Variants in PRKCI observed in about 807,000 individuals in gnomAD.
PRKCI encodes the protein protein kinase C iota.
Under a neutral mutation model 84.0 loss-of-function variants are expected in PRKCI, and 43 were observed. The ratio of observed to expected loss-of-function variants is 0.51; its 90% confidence interval spans 0.40 to 0.66. The LOEUF is 0.66. Ranked by LOEUF, PRKCI falls within the 30% of genes least tolerant of loss-of-function variation. The pLI is 0.00. For missense variants in PRKCI, 459 were observed against 745.6 expected, an observed-to-expected ratio of 0.62 and a Z score of 4.48; for synonymous variants, 216 against 234.4, an observed-to-expected ratio of 0.92 and a Z score of 0.72.
chr3:170,260,296 A>G (rs9836076), intron 3 of PRKCI, among the ~76,000 whole-genome samples: 9,905 of 152,222 alleles, frequency 0.065, 1,088 homozygotes, highest in African/African-American at 0.23. Context: ...TTAAAATGTG[A>G]TATCTCAGTG....
At chr3:170,263,098 G>C (rs1446693883) in intron 3 of PRKCI, among the ~76,000 whole-genome samples, 1 of 151,202 alleles carries the variant, frequency 6.6e-6, no homozygotes, top group Non-Finnish European at 1.5e-5. Context: ...GAACCCGGGA[G>C]GCGGAGCTTG....
At chr3:170,243,319 T>C in intron 2 of PRKCI, among the ~76,000 whole-genome samples, 1 of 152,220 alleles carries the variant, frequency 6.6e-6, no homozygotes, top group East Asian at 1.9e-4. Flanking sequence ...ATATAGCATG[T>C]ACTTTTTGGT....
intron 2 of PRKCI, among the ~76,000 whole-genome samples, chr3:170,244,503 C>T (rs924748271): frequency 6.6e-5 from 10 of 152,272 alleles, no homozygotes; most frequent in Admixed American, 6.5e-4. Flanking sequence ...ATTACCTCTT[C>T]ATCTGGCTGT....
chr3:170,280,069 T>C, intron 8 of PRKCI, 158 bp from the exon 9 acceptor site: 1 of 620,426 alleles, frequency 1.6e-6, no homozygotes, highest in East Asian at 3.1e-5. Context: ...AGTTAGATTA[T>C]TTGGTTTGGA....
intron 16 of PRKCI, among the ~76,000 whole-genome samples, chr3:170,298,507 C>T (rs567923817): frequency 2.0e-4 from 30 of 150,940 alleles, no homozygotes; most frequent in African/African-American, 5.8e-4. Context: ...TGGGTTCAAG[C>T]GATTTCTCCT....
chr3:170,301,107 G>T (rs1734808072), intron 17 of PRKCI, among the ~76,000 whole-genome samples: 1 of 152,186 alleles, frequency 6.6e-6, no homozygotes, highest in Admixed American at 6.5e-5. Context: ...GACATTCAAA[G>T]ACAATCAAGA....
chr3:170,275,603 T>A (rs776317182), intron 8 of PRKCI, among the ~76,000 whole-genome samples: 3 of 152,212 alleles, frequency 2.0e-5, no homozygotes, highest in Non-Finnish European at 4.4e-5. Flanking sequence ...TTCCGTTTTG[T>A]GCCTGAATTG....
intron 16 of PRKCI, among the ~76,000 whole-genome samples, chr3:170,297,989 C>T (rs1254375374): frequency 6.6e-6 from 1 of 151,740 alleles, no homozygotes. Context: ...AATTCTGCCT[C>T]AGCTTCCTGA....
intron 4 of PRKCI, among the ~76,000 whole-genome samples, chr3:170,267,693 A>G (rs1434305944): frequency 6.6e-6 from 1 of 151,512 alleles, no homozygotes; most frequent in Non-Finnish European, 1.5e-5. Flanking sequence ...AAAAAAAAAA[A>G]AAGGACAAGC....
At chr3:170,246,542 G>A (rs1009355822) in intron 2 of PRKCI, among the ~76,000 whole-genome samples, 5 of 151,986 alleles carry the variant, frequency 3.3e-5, no homozygotes, top group Non-Finnish European at 5.9e-5. Context: ...TGATCCTCCC[G>A]CTTTGCTCTC....
At chr3:170,235,028 G>C (rs927017426) in intron 1 of PRKCI, among the ~76,000 whole-genome samples, 3 of 151,788 alleles carry the variant, frequency 2.0e-5, no homozygotes, top group African/African-American at 7.3e-5. Context: ...GATCTGCCCA[G>C]CTCAGCCTCC....
intron 5 of PRKCI, among the ~76,000 whole-genome samples, chr3:170,268,419 G>T (rs1014022012): frequency 1.3e-5 from 2 of 150,832 alleles, no homozygotes; most frequent in Non-Finnish European, 2.9e-5. Context: ...GGCAGAGGTT[G>T]CAGTGAGCCG....
At chr3:170,270,605 G>C (rs779535672) in intron 6 of PRKCI, 44 bp downstream of exon 6, 12 of 1,542,332 alleles carry the variant, frequency 7.8e-6, no homozygotes, top group Non-Finnish European at 1.0e-5. Flanking sequence ...TTAAGAGCGT[G>C]CTTGATAACA....
In PRKCI at chr3:170,259,962, T is replaced by G. The variant is rs191069073; in HGVS notation, c.224-7T>G. Reference sequence around the variant, plus strand: ...AGTGACCTTTACTTTACTTTTGTGTTTTTTAGGAGACCCGTGTACAGTATC... The same window carrying G: ...AGTGACCTTTACTTTACTTTTGTGTGTTTTAGGAGACCCGTGTACAGTATC... On this transcript the variant is annotated splice_region_variant and splice_polypyrimidine_tract_variant and intron_variant, in intron 2 of 17. Transcript: ENST00000295797. The G allele has an allele frequency of 6.6e-5, 105 of 1,587,424 alleles. No individual in the cohort carries two copies. Among genetic ancestry groups the G allele is most frequent in the Admixed American group, 2.5e-4 (14 of 55,762 alleles).
intron 12 of PRKCI, among the ~76,000 whole-genome samples, chr3:170,285,620 A>G (rs935316756): frequency 2.0e-5 from 3 of 152,230 alleles, no homozygotes; most frequent in Admixed American, 6.5e-5. Context: ...ACCTAGTTGT[A>G]TCGAAGATTT....
At chr3:170,252,304 G>C (rs976321348) in intron 2 of PRKCI, among the ~76,000 whole-genome samples, 1 of 142,098 alleles carries the variant, frequency 7.0e-6, no homozygotes, top group Non-Finnish European at 1.5e-5. Context: ...GGAAATACTT[G>C]GCCAAATTTT....
intron 1 of PRKCI, among the ~76,000 whole-genome samples, chr3:170,223,512 C>T (rs1732550773): frequency 6.6e-6 from 1 of 152,204 alleles, no homozygotes; most frequent in South Asian, 2.1e-4. Flanking sequence ...TCTTCACTCC[C>T]TTACTATGGT....
chr3:170,290,114 C>CT (rs1229262013), intron 12 of PRKCI, among the ~76,000 whole-genome samples: 40 of 151,734 alleles, frequency 2.6e-4, no homozygotes, highest in African/African-American at 9.2e-4. Context: ...TGCTGCCCCT[C>CT]TTTTTTGGTT....
At chr3:170,228,908 A>G (rs1303042930) in intron 1 of PRKCI, among the ~76,000 whole-genome samples, 1 of 151,902 alleles carries the variant, frequency 6.6e-6, no homozygotes, top group Non-Finnish European at 1.5e-5. Context: ...AATGTCTACT[A>G]TTCCCTCTTT....
Sources: allele counts gnomAD v4.1 joint callset (sites outside exome capture counted in the v4.1 genomes callset), GRCh38; gene constraint gnomAD v4.1.1; transcripts MANE v1.5; gene names NCBI Gene and HGNC (gene_info 2026-07-23, HGNC 2026-07-21).